FAM184A: variants seen among roughly 807,000 people sequenced by gnomAD.
FAM184A encodes protein FAM184A.
A neutral mutation model predicts 143.8 loss-of-function variants in FAM184A; 99 were observed. The observed-to-expected ratio is 0.69, with a 90% CI of 0.58 to 0.81. FAM184A has a LOEUF of 0.81. Among genes scored for constraint, FAM184A ranks in the 40% least tolerant of loss-of-function variants. The pLI, the probability that FAM184A is intolerant of heterozygous loss-of-function variation, is 0.00. For synonymous variants in FAM184A, 427 were observed against 446.4 expected (o/e 0.96, Z 0.55); for missense variants, 1,217 against 1,310.5 (o/e 0.93, Z 1.10).
chr6:118,979,782 C>G (rs1487528266), intron 10 of FAM184A, among the ~76,000 whole-genome samples: 1 of 152,020 alleles, frequency 6.6e-6, no homozygotes, highest in Non-Finnish European at 1.5e-5. Context: ...GTGGCTCACC[C>G]TTGTAATCCC....
chr6:119,028,250 G>A (rs1488911713), intron 1 of FAM184A, among the ~76,000 whole-genome samples: 1 of 152,172 alleles, frequency 6.6e-6, no homozygotes, highest in African/African-American at 2.4e-5. Context: ...TTTTCACTGT[G>A]CCAGTTGAGC....
At chr6:119,138,560 C>T (rs182355681) in intron 1 of FAM184A, among the ~76,000 whole-genome samples, 3 of 152,048 alleles carry the variant, frequency 2.0e-5, no homozygotes, top group African/African-American at 7.2e-5. Context: ...CATTTCACCA[C>T]TCTGACACAC....
At chr6:119,113,877 G>A (rs1471317689) in intron 1 of FAM184A, among the ~76,000 whole-genome samples, 2 of 152,124 alleles carry the variant, frequency 1.3e-5, no homozygotes, top group African/African-American at 2.4e-5. Flanking sequence ...GGGAGGCAGA[G>A]GTTGCGGTGA....
chr6:119,040,950 A>G (rs1786305567), intron 1 of FAM184A, among the ~76,000 whole-genome samples: 1 of 152,164 alleles, frequency 6.6e-6, no homozygotes, highest in Non-Finnish European at 1.5e-5. Flanking sequence ...TCTTGAATCC[A>G]AGGGCTGCTG....
chr6:118,979,298 T>C, intron 11 of FAM184A, 67 bp downstream of exon 11: 3 of 1,437,252 alleles, frequency 2.1e-6, no homozygotes, highest in Non-Finnish European at 2.8e-6. Flanking sequence ...GGTGATTTTA[T>C]GTTGAATTTA....
intron 15 of FAM184A, 21 bp from the exon 16 acceptor site, chr6:118,964,792 C>T (rs1436099359): frequency 1.6e-6 from 2 of 1,258,232 alleles, no homozygotes; most frequent in Non-Finnish European, 2.3e-6. Flanking sequence ...GAATTATAAA[C>T]ATCTTTTAAA....
intron 9 of FAM184A, among the ~76,000 whole-genome samples, chr6:118,991,361 A>T (rs1562463976): frequency 3.9e-5 from 6 of 151,906 alleles, no homozygotes; most frequent in African/African-American, 1.5e-4. Context: ...GAGTTTCACC[A>T]TGTTGGCCAG....
intron 1 of FAM184A, among the ~76,000 whole-genome samples, chr6:119,148,626 C>A (rs925435761): frequency 2.0e-5 from 3 of 152,138 alleles, no homozygotes; most frequent in Non-Finnish European, 4.4e-5. Context: ...CAGCACTGTT[C>A]TATAAGCCTC....
At chr6:119,000,444 G>C (rs1030011383) in intron 9 of FAM184A, among the ~76,000 whole-genome samples, 1 of 152,136 alleles carries the variant, frequency 6.6e-6, no homozygotes, top group African/African-American at 2.4e-5. Context: ...ATACAAAATT[G>C]ACTGAATCGT....
At chr6:119,041,976 TGCCACCATCTTGGAAGCGGCCC>T (rs1196477186) in intron 1 of FAM184A, among the ~76,000 whole-genome samples, 2 of 152,098 alleles carry the variant, frequency 1.3e-5, no homozygotes, top group South Asian at 2.1e-4. Flanking sequence ...ACACGAGGCT[TGCCACCATCTTGGAAGCGGCCC>T]GCCACCATCT....
At chr6:119,122,924 GAAAAAAAAAAAAAAAAAAAAAAAAAAA>G (rs766414096) in intron 1 of FAM184A, among the ~76,000 whole-genome samples, 1 of 29,030 alleles carries the variant, frequency 3.4e-5, no homozygotes, top group South Asian at 2.0e-3. Context: ...GACCCTGTCT[GAAAAAAAAAAAAAAAAAAAAAAAAAAA>G]AAAAAAAAAA....
intron 1 of FAM184A, chr6:119,031,616 A>C (rs1785875543): frequency 1.3e-5 from 2 of 152,260 alleles, no homozygotes; most frequent in Admixed American, 1.3e-4. Context: ...GTTCCCATTA[A>C]AATCTAACTC....
At chr6:119,139,224 A>T (rs1250817580) in intron 1 of FAM184A, among the ~76,000 whole-genome samples, 1 of 152,234 alleles carries the variant, frequency 6.6e-6, no homozygotes, top group African/African-American at 2.4e-5. Flanking sequence ...ACACAGGGAC[A>T]ACCAAAGCTA....
At chr6:119,147,604 A>T (rs1028040375) in intron 1 of FAM184A, among the ~76,000 whole-genome samples, 1 of 152,216 alleles carries the variant, frequency 6.6e-6, no homozygotes, top group Admixed American at 6.5e-5. Flanking sequence ...TGTACAATAA[A>T]TAACCCAGGA....
At chr6:119,010,119 G>C (rs868671427) in intron 6 of FAM184A, among the ~76,000 whole-genome samples, 2 of 152,090 alleles carry the variant, frequency 1.3e-5, no homozygotes, top group African/African-American at 2.4e-5. Context: ...GTGTGAACTG[G>C]GAGAAGACTC....
chr6:119,056,216 TATTCTA>T (rs1786967746), intron 1 of FAM184A, among the ~76,000 whole-genome samples: 1 of 152,236 alleles, frequency 6.6e-6, no homozygotes, highest in South Asian at 2.1e-4. Context: ...TCAAATGTTC[TATTCTA>T]AAAGATTTCA....
chr6:119,006,636 T>C (rs1321213071), intron 6 of FAM184A, 28 bp from the exon 7 acceptor site: 5 of 1,537,358 alleles, frequency 3.3e-6, no homozygotes, highest in East Asian at 4.5e-5. Flanking sequence ...ACTTTTAATA[T>C]ATTTCATTGT....
At chr6:119,039,267 C>G (rs915210345) in intron 1 of FAM184A, among the ~76,000 whole-genome samples, 2 of 152,148 alleles carry the variant, frequency 1.3e-5, no homozygotes, top group African/African-American at 4.8e-5. Flanking sequence ...ACATTCTTAT[C>G]ATACAATCCA....
chr6:119,120,827 C>CTTT (rs1562158708), intron 1 of FAM184A, among the ~76,000 whole-genome samples: 7 of 113,192 alleles, frequency 6.2e-5, no homozygotes, highest in Non-Finnish European at 1.1e-4. Flanking sequence ...TTTCTTTCTT[C>CTTT]CTTTCTTTCT....
Sources: gnomAD v4.1 joint callset for allele counts (sites outside exome capture counted in the v4.1 genomes callset) on GRCh38, gnomAD v4.1.1 for gene constraint, MANE v1.5 for transcripts, NCBI Gene and HGNC (gene_info 2026-07-23, HGNC 2026-07-21) for gene names.